PCGF3: variants seen among roughly 807,000 people sequenced by gnomAD.
PCGF3 encodes the protein polycomb group ring finger 3.
Under a neutral mutation model 33.1 loss-of-function variants are expected in PCGF3, and 7 were observed. The ratio of observed to expected loss-of-function variants is 0.21; its 90% CI spans 0.12 to 0.40. The LOEUF (loss-of-function observed/expected upper bound fraction) is 0.40. Ranked by LOEUF, PCGF3 falls within the 10% of genes least tolerant of loss-of-function variation. The pLI is 1.00. For synonymous variants in PCGF3, 153 were observed against 121.3 expected (o/e 1.26, Z -1.72); for missense variants, 211 against 313.3 (o/e 0.67, Z 2.46).
At chr4:748,901 TCA>T (rs1744389892) in intron 8 of PCGF3, among the ~76,000 whole-genome samples, 1 of 152,098 alleles carries the variant, frequency 6.6e-6, no homozygotes, top group Non-Finnish European at 1.5e-5. Context: ...TCGTGGAAAT[TCA>T]GTTTTGGGGT....
At chr4:726,125 T>C (rs1257270345) in intron 1 of PCGF3, among the ~76,000 whole-genome samples, 1 of 152,198 alleles carries the variant, frequency 6.6e-6, no homozygotes, top group Non-Finnish European at 1.5e-5. Context: ...GGTGCGCACC[T>C]GGCCTGTGTG....
chr4:738,530 T>G (rs1429875641), intron 6 of PCGF3, among the ~76,000 whole-genome samples: 1 of 149,700 alleles, frequency 6.7e-6, no homozygotes, highest in Non-Finnish European at 1.5e-5. Context: ...CCAAGTTTTG[T>G]GACCCCCGCC....
chr4:717,267 G>A (rs1245258117), intron 1 of PCGF3, among the ~76,000 whole-genome samples: 1 of 127,018 alleles, frequency 7.9e-6, no homozygotes, highest in African/African-American at 3.2e-5. Flanking sequence ...AGAACTGAGC[G>A]TCGGTGCTGG....
At chr4:735,113 C>G (rs1743771960) in intron 5 of PCGF3, 86 bp downstream of exon 5, 2 of 1,415,350 alleles carry the variant, frequency 1.4e-6, no homozygotes, top group South Asian at 1.3e-5. Flanking sequence ...GCCATTAGCG[C>G]TGTACTCCCA....
At chr4:763,081 T>G (rs1391458037) in intron 9 of PCGF3, among the ~76,000 whole-genome samples, 4 of 149,466 alleles carry the variant, frequency 2.7e-5, no homozygotes, top group African/African-American at 7.4e-5. Context: ...ACACCGGGGT[T>G]GGGGAGACTC....
chr4:752,819 C>T (rs904635640), intron 8 of PCGF3, among the ~76,000 whole-genome samples: 6 of 152,262 alleles, frequency 3.9e-5, no homozygotes, highest in South Asian at 2.1e-4. Context: ...AGATTCCCGC[C>T]GCCTTCAGGC....
At chr4:760,783 T>G (rs1577445261) in intron 8 of PCGF3, among the ~76,000 whole-genome samples, 1 of 152,356 alleles carries the variant, frequency 6.6e-6, no homozygotes, top group East Asian at 1.9e-4. Flanking sequence ...ACAGTCCCCT[T>G]AACAGTCACT....
At chr4:764,949 C>A in intron 9 of PCGF3, 35 bp from the exon 10 acceptor site, 1 of 1,517,690 alleles carries the variant, frequency 6.6e-7, no homozygotes, top group Non-Finnish European at 9.1e-7. Flanking sequence ...GGTTGAGCAC[C>A]TCTCCGCTGC....
intron 1 of PCGF3, among the ~76,000 whole-genome samples, chr4:707,144 A>G (rs554113865): frequency 8.0e-4 from 122 of 152,052 alleles, no homozygotes; most frequent in Non-Finnish European, 1.3e-3. Flanking sequence ...TGACCCTGGG[A>G]CAGGTCACCG....
chr4:719,619 G>C (rs1357453471), intron 1 of PCGF3, among the ~76,000 whole-genome samples: 1 of 152,264 alleles, frequency 6.6e-6, no homozygotes, highest in Non-Finnish European at 1.5e-5. Context: ...ACGCCATAAG[G>C]AGGTGGAGAA....
Position 753,683 on chromosome 4 carries a change from C to A in PCGF3, c.463-7596C>A, listed in dbSNP as rs1158327365. Among the ~76,000 whole-genome samples, 7 of 151,086 alleles carry A rather than the reference C, an allele frequency of 4.6e-5. No individual in the cohort carries two copies. In the South Asian group the frequency reaches 1.5e-3, roughly 32 times the overall value. Reference sequence around the variant, plus strand: ...GAAGACTGGACCAGGCACGGTGGCTCACGCCTGTAATCCCAGTACTTTGGG... The same window carrying A: ...GAAGACTGGACCAGGCACGGTGGCTAACGCCTGTAATCCCAGTACTTTGGG... On this transcript the variant is annotated intron_variant, in intron 8 of 10. Transcript: ENST00000362003.
rs56121601 is a variant in PCGF3 at position 731,320 on chromosome 4, G to T, written c.-10+210G>T. On this transcript the variant is annotated intron_variant, in intron 3 of 10. Coordinates refer to ENST00000362003, the Ensembl canonical transcript of PCGF3. Reference sequence around the variant, plus strand: ...GTCCCAGGCCTCGATGGCAGTGCGGGGTGCAGAGGGCTGGTCTCCTTCCGT... The same window carrying T: ...GTCCCAGGCCTCGATGGCAGTGCGGTGTGCAGAGGGCTGGTCTCCTTCCGT... The T allele has an allele frequency of 0.038, 15,058 of 398,580 alleles. 351 individuals carry two copies. The highest frequency in any genetic ancestry group is 0.095 in the South Asian group (718 of 7,564). 24.7% of individuals were successfully genotyped at this position (398,580 alleles called of 1,614,324 possible).
chr4:765,301 T>G (rs1471060108), intron 10 of PCGF3, among the ~76,000 whole-genome samples: 1 of 152,044 alleles, frequency 6.6e-6, no homozygotes, highest in Non-Finnish European at 1.5e-5. Context: ...GGCGTAGTGG[T>G]GGGCACCTGT....
intron 6 of PCGF3, among the ~76,000 whole-genome samples, chr4:742,737 T>TGC (rs1274546076): frequency 2.6e-5 from 4 of 152,210 alleles, no homozygotes; most frequent in Admixed American, 2.6e-4. Flanking sequence ...GTGAGGATGC[T>TGC]GCGGCCCGTC....
chr4:719,039 C>G (rs531396753), intron 1 of PCGF3, among the ~76,000 whole-genome samples: 2 of 152,248 alleles, frequency 1.3e-5, no homozygotes, highest in East Asian at 3.9e-4. Context: ...ATTGCAACCT[C>G]TGCTATACAG....
chr4:761,524 T>G (rs1745057096), intron 9 of PCGF3, 108 bp downstream of exon 9: 13 of 1,432,894 alleles, frequency 9.1e-6, no homozygotes, highest in African/African-American at 1.4e-5. Flanking sequence ...ATTTTGGAGA[T>G]TTTAACCAGA....
chr4:707,763 A>C (rs199740419), intron 1 of PCGF3, among the ~76,000 whole-genome samples: 2,554 of 35,208 alleles, frequency 0.073, 78 homozygotes, highest in Admixed American at 0.17. Flanking sequence ...CTCTGTTTTC[A>C]CCTGGGGGCC....
chr4:737,411 A>C (rs1743882301), intron 5 of PCGF3, 55 bp from the exon 6 acceptor site: 3 of 1,162,932 alleles, frequency 2.6e-6, no homozygotes, highest in Admixed American at 1.7e-5. Context: ...GAAAGTGTAC[A>C]AGAATTATAG....
chr4:720,215 C>T lies in PCGF3; in HGVS notation c.-189-10415C>T, dbSNP rs1200021467. Among the ~76,000 whole-genome samples the T allele has an allele frequency of 6.6e-6, 1 of 152,116 alleles. No individual in the cohort carries two copies. The highest frequency in any genetic ancestry group is 1.5e-5 in the Non-Finnish European group (1 of 68,024). Reference sequence around the variant, plus strand: ...CAAGCACGAGGGGCCAGGTGGCACACAGCACCTGTGTGCCGCTGGGGAGGG... The same window carrying T: ...CAAGCACGAGGGGCCAGGTGGCACATAGCACCTGTGTGCCGCTGGGGAGGG... On this transcript the variant is annotated intron_variant, in intron 1 of 10. Coordinates refer to ENST00000362003, the Ensembl canonical transcript of PCGF3. This position sits in a 1 kb window ranked among gnomAD's most constrained non-coding sequence, Gnocchi z 5.6.
Sources: gnomAD v4.1 joint callset for allele counts (sites outside exome capture counted in the v4.1 genomes callset) on GRCh38, gnomAD v4.1.1 for gene constraint, Gnocchi (gnomAD v3.1) non-coding constraint, MANE v1.5 for transcripts, NCBI Gene and HGNC (gene_info 2026-07-23, HGNC 2026-07-21) for gene names.